PAFAH1B2: variants seen among roughly 807,000 people sequenced by gnomAD.
PAFAH1B2 encodes platelet-activating factor acetylhydrolase IB subunit alpha2.
Under a neutral mutation model 28.0 loss-of-function variants are expected in PAFAH1B2, and 8 were observed. The ratio of observed to expected loss-of-function variants is 0.29; its 90% confidence interval spans 0.17 to 0.52. The LOEUF (loss-of-function observed/expected upper bound fraction) is 0.52. Ranked by LOEUF, PAFAH1B2 falls within the 20% of genes least tolerant of loss-of-function variation. PAFAH1B2 has a pLI of 0.97. For synonymous variants in PAFAH1B2, 104 were observed against 103.2 expected (o/e 1.01, Z -0.05); for missense variants, 190 against 282.6 (o/e 0.67, Z 2.35).
At chr11:117,157,002 G>A (rs781599133) in intron 2 of PAFAH1B2, among the ~76,000 whole-genome samples, 1 of 148,994 alleles carries the variant, frequency 6.7e-6, no homozygotes, top group Non-Finnish European at 1.5e-5. Context: ...AGTAGTCTGG[G>A]TGACAGAGTG....
In PAFAH1B2 at chr11:117,168,116, A is replaced by AT. The variant is rs1403197137; in HGVS notation, c.*424dup. The AT allele has an allele frequency of 9.5e-7, 1 of 1,054,392 alleles. No homozygotes were observed. 65.3% of individuals were successfully genotyped at this position (1,054,392 alleles called of 1,614,324 possible). On this transcript the variant is annotated 3_prime_UTR_variant, in exon 6 of 6. Transcript: ENST00000527958. ...TTGGCTTTAAAACATGTTTTCTCCA[A>AT]TTTTTTTAAGGTTCATAATTTAGCC... is the stretch of plus-strand genomic sequence containing the variant.
chr11:117,160,298 A>C (rs1956345479), intron 3 of PAFAH1B2, among the ~76,000 whole-genome samples: 1 of 152,096 alleles, frequency 6.6e-6, no homozygotes, highest in Non-Finnish European at 1.5e-5. Flanking sequence ...TGCTCTACTC[A>C]GATTGTCAAG....
At position 117,170,679 on chromosome 11, in the gene PAFAH1B2, T is replaced by C. The variant is rs1256301395; in HGVS notation, c.*2980T>C. The C allele has an allele frequency of 9.5e-7, 1 of 1,055,724 alleles. No homozygotes were observed. The highest frequency in any genetic ancestry group is 1.1e-6 in the Non-Finnish European group (1 of 873,226). The allele number at this position is 1,055,724 out of a possible 1,614,324, so 65.4% of individuals were successfully genotyped here. The stretch of plus-strand genomic sequence containing the variant: ...CTTACTTTATTTTATTTTTTTAACC[T>C]AGTCACTGTTTACAATTGTATGCTA... On this transcript the variant is annotated 3_prime_UTR_variant, in exon 6 of 6. Transcript: ENST00000527958.
chr11:117,169,584 T>G lies in PAFAH1B2; in HGVS notation c.*1885T>G. 2 of 1,054,412 alleles carry G rather than the reference T, an allele frequency of 1.9e-6. No individual in the cohort carries two copies. The highest frequency in any genetic ancestry group is 2.3e-6 in the Non-Finnish European group (2 of 872,188). The allele number at this position is 1,054,412 out of a possible 1,614,324, so 65.3% of individuals were successfully genotyped here. On this transcript the variant is annotated 3_prime_UTR_variant, in exon 6 of 6. Coordinates refer to ENST00000527958, the MANE Select transcript of PAFAH1B2 (RefSeq NM_002572.4). ...CTTGTGAAGTCTCTTTCTAGAAAAT[T>G]TTTTGGTTTTGTTCTTTTTAAAAAA...
At chr11:117,144,885 C>T (rs1351854794) in intron 1 of PAFAH1B2, among the ~76,000 whole-genome samples, 1 of 152,222 alleles carries the variant, frequency 6.6e-6, no homozygotes, top group African/African-American at 2.4e-5. Flanking sequence ...TAACTTCTCA[C>T]TCTTCTCTCC....
intron 4 of PAFAH1B2, 91 bp downstream of exon 4, chr11:117,161,352 T>A: frequency 1.3e-6 from 1 of 753,150 alleles, no homozygotes; most frequent in Non-Finnish European, 2.1e-6. Context: ...ATTGCTTCTT[T>A]AAAGACCTAT....
At chr11:117,153,968 T>A (rs77151907) in intron 2 of PAFAH1B2, among the ~76,000 whole-genome samples, 5,243 of 151,356 alleles carry the variant, frequency 0.035, 298 homozygotes, top group African/African-American at 0.12. Context: ...CAGTGGCTCA[T>A]GCCTGTAATC....
intron 1 of PAFAH1B2, 102 bp from the exon 2 acceptor site, chr11:117,152,339 A>C (rs141443071): frequency 2.9e-6 from 2 of 695,430 alleles, no homozygotes; most frequent in African/African-American, 1.8e-5. Flanking sequence ...GGCAAACCAC[A>C]TAAAACTTTA....
chr11:117,150,353 T>C (rs1956121735), intron 1 of PAFAH1B2, among the ~76,000 whole-genome samples: 1 of 152,078 alleles, frequency 6.6e-6, no homozygotes, highest in African/African-American at 2.4e-5. Context: ...TTTCACCATG[T>C]TGGCCAGGCT....
At chr11:117,161,091 G>T (rs1413529433) in intron 3 of PAFAH1B2, 54 bp from the exon 4 acceptor site, 1 of 1,125,694 alleles carries the variant, frequency 8.9e-7, no homozygotes. Context: ...GCAGTCGAAA[G>T]ATTAAACTTT....
chr11:117,146,840 A>G (rs869106678), intron 1 of PAFAH1B2, among the ~76,000 whole-genome samples: 4 of 12,786 alleles, frequency 3.1e-4, no homozygotes, highest in African/African-American at 3.9e-4. Flanking sequence ...CATCTATTGG[A>G]AAAAAAAAAA....
At chr11:117,160,108 T>A (rs1276797698) in intron 3 of PAFAH1B2, 85 bp downstream of exon 3, 12 of 962,108 alleles carry the variant, frequency 1.2e-5, no homozygotes, top group South Asian at 1.0e-4. Context: ...GAGCTGAACT[T>A]ACTTATTTGT....
At position 117,170,188 on chromosome 11, in the gene PAFAH1B2, T is replaced by TA; in HGVS notation, c.*2490dup. The TA allele has an allele frequency of 9.5e-7, 1 of 1,056,852 alleles. No individual in the cohort carries two copies. 65.5% of individuals were successfully genotyped at this position (1,056,852 alleles called of 1,614,324 possible). On this transcript the variant is annotated 3_prime_UTR_variant, in exon 6 of 6. Transcript: ENST00000527958. ...TGCGTCAGTGACAGAACTTACTGCTTAGTCTTTGTACTTTTTAAAAAATCT... is the reference window on the plus strand; with the variant it reads ...TGCGTCAGTGACAGAACTTACTGCTTAAGTCTTTGTACTTTTTAAAAAATCT...
At chr11:117,154,986 G>A (rs1199958490) in intron 2 of PAFAH1B2, among the ~76,000 whole-genome samples, 2 of 152,026 alleles carry the variant, frequency 1.3e-5, no homozygotes, top group African/African-American at 4.8e-5. Context: ...AAAAGGTTTT[G>A]TTTTGTTTTT....
intron 2 of PAFAH1B2, among the ~76,000 whole-genome samples, chr11:117,157,356 G>C (rs529447622): frequency 2.6e-5 from 4 of 151,972 alleles, no homozygotes; most frequent in African/African-American, 9.7e-5. Context: ...TGCCCAGGCT[G>C]GTCTTGAACT....
chr11:117,170,995 C>A lies in PAFAH1B2; in HGVS notation c.*3296C>A, dbSNP rs1591757654. The A allele has an allele frequency of 9.6e-7, 1 of 1,045,954 alleles. No homozygotes were observed. The highest frequency in any genetic ancestry group is 5.6e-5 in the East Asian group (1 of 17,944). 64.8% of individuals were successfully genotyped at this position (1,045,954 alleles called of 1,614,324 possible). A position where few individuals can be genotyped will look rare whatever the true frequency, so the allele number is the denominator to read the frequency against. On this transcript the variant is annotated 3_prime_UTR_variant, in exon 6 of 6. Coordinates refer to ENST00000527958, the MANE Select transcript of PAFAH1B2 (RefSeq NM_002572.4). The stretch of plus-strand genomic sequence containing the variant: ...GGCAAAGTTTCATTGACTAGTAGAA[C>A]TCATTCTGTTTTAGTGTATATTTCA...
At chr11:117,166,499 A>T (rs1459244759) in intron 5 of PAFAH1B2, among the ~76,000 whole-genome samples, 1 of 152,246 alleles carries the variant, frequency 6.6e-6, no homozygotes, top group Non-Finnish European at 1.5e-5. Context: ...ATTGAATATG[A>T]TAGCAGTAAT....
intron 5 of PAFAH1B2, among the ~76,000 whole-genome samples, chr11:117,165,500 C>T (rs927200107): frequency 2.6e-5 from 4 of 152,158 alleles, no homozygotes; most frequent in Admixed American, 2.6e-4. Flanking sequence ...GTGTACAAGG[C>T]ACTATCCTAG....
chr11:117,175,116 A>AT, downstream of PAFAH1B2: 1 of 1,242,772 alleles, frequency 8.0e-7, no homozygotes, highest in Non-Finnish European at 1.0e-6. Flanking sequence ...ACAGGGAAAT[A>AT]TAAGTCAAAT....
Sources: allele counts gnomAD v4.1 joint callset (sites outside exome capture counted in the v4.1 genomes callset), GRCh38; gene constraint gnomAD v4.1.1; transcripts MANE v1.5; gene names NCBI Gene and HGNC (gene_info 2026-07-23, HGNC 2026-07-21).